PLPPR1: variants seen among roughly 807,000 people sequenced by gnomAD.
The protein encoded by PLPPR1 is phospholipid phosphatase-related protein type 1.
Under a neutral mutation model 33.1 loss-of-function variants are expected in PLPPR1, and 10 were observed. The observed-to-expected ratio is 0.30, with a 90% CI of 0.19 to 0.51. PLPPR1 has a LOEUF of 0.51. Ranked by LOEUF, PLPPR1 falls within the 20% of genes least tolerant of loss-of-function variation. The pLI is 0.97. For synonymous variants in PLPPR1, 151 were observed against 151.0 expected (o/e 1.00, Z 0.00); for missense variants, 304 against 408.1 (o/e 0.74, Z 2.20).
chr9:101,214,250 C>T (rs1207152246), intron 2 of PLPPR1, among the ~76,000 whole-genome samples: 1 of 152,208 alleles, frequency 6.6e-6, no homozygotes, highest in Non-Finnish European at 1.5e-5. Flanking sequence ...ATTTGACCTG[C>T]TACAGAGGTA....
At chr9:101,139,959 G>A (rs1384575605) in intron 1 of PLPPR1, among the ~76,000 whole-genome samples, 5 of 152,138 alleles carry the variant, frequency 3.3e-5, no homozygotes, top group East Asian at 3.9e-4. Context: ...CAGCTGGAGA[G>A]CCTTTCCCTA....
chr9:101,160,987 C>T (rs1364619152), intron 1 of PLPPR1, among the ~76,000 whole-genome samples: 1 of 152,160 alleles, frequency 6.6e-6, no homozygotes, highest in Non-Finnish European at 1.5e-5. Flanking sequence ...TCTCAGTTTC[C>T]TTCAAGATCA....
intron 2 of PLPPR1, among the ~76,000 whole-genome samples, chr9:101,213,478 G>T (rs1303633461): frequency 6.6e-6 from 1 of 152,114 alleles, no homozygotes; most frequent in East Asian, 1.9e-4. Context: ...TATAAAATTT[G>T]TAAATACATT....
intron 1 of PLPPR1, among the ~76,000 whole-genome samples, chr9:101,160,596 AG>A (rs1831760220): frequency 6.6e-6 from 1 of 152,180 alleles, no homozygotes; most frequent in Non-Finnish European, 1.5e-5. Flanking sequence ...GCAGCCTTAA[AG>A]GGTGTTAAAA....
intron 1 of PLPPR1, among the ~76,000 whole-genome samples, chr9:101,080,968 C>T (rs533735052): frequency 3.3e-5 from 5 of 152,208 alleles, no homozygotes; most frequent in African/African-American, 7.2e-5. Flanking sequence ...CCATTGATTC[C>T]GGAGCCTAGT....
intron 1 of PLPPR1, among the ~76,000 whole-genome samples, chr9:101,035,891 CT>C (rs1290885538): frequency 2.6e-5 from 4 of 152,150 alleles, no homozygotes; most frequent in Non-Finnish European, 2.9e-5. Context: ...TTACCTGAGG[CT>C]TTTGCTTACT....
chr9:101,263,801 G>A (rs1026050686), intron 2 of PLPPR1, among the ~76,000 whole-genome samples: 3 of 152,144 alleles, frequency 2.0e-5, no homozygotes, highest in Admixed American at 2.0e-4. Context: ...ACCCACCATG[G>A]TTGGGCAGAT....
intron 2 of PLPPR1, among the ~76,000 whole-genome samples, chr9:101,267,859 T>C (rs1366376377): frequency 6.6e-6 from 1 of 152,192 alleles, no homozygotes; most frequent in Non-Finnish European, 1.5e-5. Flanking sequence ...TCTGTTATAA[T>C]GTGTCTCAAG....
At chr9:101,209,076 T>A (rs1196401991) in intron 2 of PLPPR1, among the ~76,000 whole-genome samples, 1 of 152,232 alleles carries the variant, frequency 6.6e-6, no homozygotes, top group Non-Finnish European at 1.5e-5. Context: ...GCATCATCAT[T>A]ACCTGGGAAC....
At chr9:101,278,479 T>C (rs1324437202) in intron 3 of PLPPR1, among the ~76,000 whole-genome samples, 1 of 151,986 alleles carries the variant, frequency 6.6e-6, no homozygotes, top group Non-Finnish European at 1.5e-5. Flanking sequence ...ACAATAATAA[T>C]AAAAGATGCA....
At chr9:101,259,352 G>T (rs1478827869) in intron 2 of PLPPR1, among the ~76,000 whole-genome samples, 1 of 152,094 alleles carries the variant, frequency 6.6e-6, no homozygotes, top group Non-Finnish European at 1.5e-5. Context: ...AATATGGGCA[G>T]GACAAAGGCC....
chr9:101,290,208 T>C (rs536838513), intron 4 of PLPPR1, among the ~76,000 whole-genome samples: 4 of 152,346 alleles, frequency 2.6e-5, no homozygotes, highest in South Asian at 4.1e-4. Context: ...AAAACTTATT[T>C]TGAAGAGCTT....
Position 101,107,869 on chromosome 9 carries a change from C to T in PLPPR1, c.-45-77581C>T, listed in dbSNP as rs566374435. ...TCTCGTGGTGCGCCGTTTTTTAAGC[C>T]GGTCTGAAAAGCACAATATTCGGGT... On this transcript the variant is annotated intron_variant, in intron 1 of 7. Coordinates refer to ENST00000374874, the MANE Select transcript of PLPPR1 (RefSeq NM_207299.2). Among the ~76,000 whole-genome samples, 83 of 151,302 alleles carry T rather than the reference C, an allele frequency of 5.5e-4. No homozygotes were observed. The East Asian group carries it at 0.015, about 28-fold the overall frequency.
intron 2 of PLPPR1, among the ~76,000 whole-genome samples, chr9:101,263,883 C>T (rs1827942518): frequency 6.6e-6 from 1 of 152,084 alleles, no homozygotes; most frequent in Admixed American, 6.5e-5. Flanking sequence ...TCATCTCTGT[C>T]TCCTTCTCCT....
chr9:101,312,099 G>T (rs1828969224), intron 5 of PLPPR1, among the ~76,000 whole-genome samples: 1 of 151,716 alleles, frequency 6.6e-6, no homozygotes, highest in South Asian at 2.1e-4. Flanking sequence ...TTGACCTTTT[G>T]TATCTTGTGG....
intron 1 of PLPPR1, among the ~76,000 whole-genome samples, chr9:101,086,864 G>T (rs991578296): frequency 5.3e-5 from 8 of 152,218 alleles, no homozygotes; most frequent in African/African-American, 1.9e-4. Flanking sequence ...CTCATGAGAA[G>T]CAGGTCAGCC....
At chr9:101,143,385 C>G (rs572996983) in intron 1 of PLPPR1, among the ~76,000 whole-genome samples, 10 of 152,158 alleles carry the variant, frequency 6.6e-5, no homozygotes, top group Admixed American at 2.0e-4. Context: ...TATATCGAAG[C>G]CCTAACACTT....
At chr9:101,207,851 T>C (rs1157555450) in intron 2 of PLPPR1, among the ~76,000 whole-genome samples, 2 of 152,036 alleles carry the variant, frequency 1.3e-5, no homozygotes, top group Admixed American at 6.6e-5. Context: ...ATAAGAGAAC[T>C]AGGTAAACAG....
intron 1 of PLPPR1, among the ~76,000 whole-genome samples, chr9:101,048,500 C>T (rs1284181212): frequency 6.6e-6 from 1 of 152,152 alleles, no homozygotes; most frequent in Admixed American, 6.5e-5. Context: ...GAGAAGAATA[C>T]ACCACTTTAG....
Sources: gnomAD v4.1 joint callset for allele counts (sites outside exome capture counted in the v4.1 genomes callset) on GRCh38, gnomAD v4.1.1 for gene constraint, MANE v1.5 for transcripts, NCBI Gene and HGNC (gene_info 2026-07-23, HGNC 2026-07-21) for gene names.